Variants in DCC observed in about 807,000 individuals in gnomAD.
The protein encoded by DCC is netrin receptor DCC.
In DCC, 58 loss-of-function variants were observed where a neutral mutation model predicts 172.5. The observed-to-expected ratio is 0.34, with a 90% CI of 0.27 to 0.42. The LOEUF (loss-of-function observed/expected upper bound fraction) is 0.42. Among genes scored for constraint, DCC ranks in the 10% least tolerant of loss-of-function variants. The probability of loss-of-function intolerance (pLI) is 1.00; values close to 1 mark genes in which losing one functional copy is unlikely to be tolerated. For synonymous variants in DCC, 709 were observed against 644.5 expected, an observed-to-expected ratio of 1.10 and a Z score of -1.52; for missense variants, 1,740 against 1,791.0, an observed-to-expected ratio of 0.97 and a Z score of 0.51.
At chr18:52,926,613 T>A (rs545235802) in intron 5 of DCC, among the ~76,000 whole-genome samples, 2 of 151,796 alleles carry the variant, frequency 1.3e-5, no homozygotes, top group Admixed American at 6.6e-5. Flanking sequence ...AAGGCAGATT[T>A]GGTTATGGAA....
At chr18:52,695,122 C>T (rs1046852751) in intron 1 of DCC, among the ~76,000 whole-genome samples, 3 of 152,152 alleles carry the variant, frequency 2.0e-5, no homozygotes, top group Non-Finnish European at 4.4e-5. Flanking sequence ...GGTCTCTTTT[C>T]TTGCCTCTCA....
At chr18:52,784,682 T>A (rs550434483) in intron 2 of DCC, among the ~76,000 whole-genome samples, 8 of 152,134 alleles carry the variant, frequency 5.3e-5, no homozygotes, top group African/African-American at 1.9e-4. Context: ...GAAAATTTTT[T>A]AAATATGTTT....
intron 1 of DCC, among the ~76,000 whole-genome samples, chr18:52,484,472 G>A (rs1317852224): frequency 6.6e-6 from 1 of 152,074 alleles, no homozygotes; most frequent in Non-Finnish European, 1.5e-5. Flanking sequence ...ATCAGCTTCT[G>A]ATTTTGTATG....
chr18:52,848,607 C>T (rs2038931249), intron 2 of DCC, among the ~76,000 whole-genome samples: 2 of 151,982 alleles, frequency 1.3e-5, no homozygotes, highest in African/African-American at 4.8e-5. Flanking sequence ...TGGAGTTTCG[C>T]ATGTTTATTT....
intron 1 of DCC, among the ~76,000 whole-genome samples, chr18:52,361,839 T>A (rs1314081139): frequency 6.6e-6 from 1 of 152,228 alleles, no homozygotes; most frequent in East Asian, 1.9e-4. Flanking sequence ...AGCAATGGTG[T>A]GCAGGGAAGG....
chr18:52,568,208 CTTAG>C (rs527701898), intron 1 of DCC, among the ~76,000 whole-genome samples: 103 of 152,164 alleles, frequency 6.8e-4, no homozygotes, highest in African/African-American at 2.2e-3. Flanking sequence ...CCGTCCTATT[CTTAG>C]TTATTTTCCT....
intron 15 of DCC, among the ~76,000 whole-genome samples, chr18:53,342,434 C>T (rs972150716): frequency 2.3e-4 from 35 of 151,940 alleles, no homozygotes; most frequent in Admixed American, 7.2e-4. Flanking sequence ...ACTTTTAAAA[C>T]TCACTATCTA....
At chr18:53,441,915 TCTGTG>T (rs1020975521) in intron 22 of DCC, among the ~76,000 whole-genome samples, 13 of 152,222 alleles carry the variant, frequency 8.5e-5, no homozygotes, top group African/African-American at 3.1e-4. Context: ...GTCCTCTTTC[TCTGTG>T]TAGCCTCCTC....
At chr18:52,911,664 C>G (rs1038799853) in intron 3 of DCC, among the ~76,000 whole-genome samples, 3 of 151,710 alleles carry the variant, frequency 2.0e-5, no homozygotes, top group African/African-American at 7.2e-5. Context: ...AACATACACC[C>G]AAAAAACGGA....
At chr18:52,989,820 A>G (rs2041354535) in intron 5 of DCC, among the ~76,000 whole-genome samples, 1 of 152,264 alleles carries the variant, frequency 6.6e-6, no homozygotes, top group Non-Finnish European at 1.5e-5. Context: ...CTGGAGTAGC[A>G]GAAAGCAATT....
chr18:52,361,296 GTC>G (rs1376623865), intron 1 of DCC, among the ~76,000 whole-genome samples: 1 of 151,886 alleles, frequency 6.6e-6, no homozygotes, highest in African/African-American at 2.4e-5. Flanking sequence ...AGTCTTTTTT[GTC>G]TCTTTCTCTA....
intron 1 of DCC, among the ~76,000 whole-genome samples, chr18:52,523,382 T>C (rs2031880707): frequency 6.6e-6 from 1 of 152,164 alleles, no homozygotes; most frequent in Non-Finnish European, 1.5e-5. Flanking sequence ...GTAGATGACC[T>C]CTCAGTCCCT....
intron 5 of DCC, among the ~76,000 whole-genome samples, chr18:53,031,597 GA>G (rs1222733454): frequency 2.6e-5 from 4 of 151,408 alleles, no homozygotes; most frequent in South Asian, 2.1e-4. Flanking sequence ...AAATTTGAGT[GA>G]AAAAAAGGAA....
chr18:53,465,417 C>T (rs370909780), intron 24 of DCC, among the ~76,000 whole-genome samples: 1 of 152,022 alleles, frequency 6.6e-6, no homozygotes, highest in African/African-American at 2.4e-5. Context: ...ATACTTCTGG[C>T]CTTCATGATT....
rs140887238 is a variant in DCC at position 52,459,898 on chromosome 18, T to C, written c.91+119020T>C. Among the ~76,000 whole-genome samples the C allele has an allele frequency of 6.7e-3, 997 of 149,350 alleles. 10 individuals are homozygous for C. The highest frequency in any genetic ancestry group is 0.023 in the African/African-American group (931 of 40,972). ...CATAGTATTCATATATATATATATATACACACATATATATACACACATATA... is the reference window on the plus strand; with the variant it reads ...CATAGTATTCATATATATATATATACACACACATATATATACACACATATA... On this transcript the variant is annotated intron_variant, in intron 1 of 28. Coordinates refer to ENST00000442544, the MANE Select transcript of DCC (RefSeq NM_005215.4).
rs1361796060 is a variant in DCC, at chr18:52,764,916, C to T, written c.412+12542C>T. Among the ~76,000 whole-genome samples, 6 of 152,222 alleles carry T rather than the reference C, an allele frequency of 3.9e-5. No individual in the cohort carries two copies. The East Asian group carries it at 1.2e-3, about 29-fold the overall frequency. On this transcript the variant is annotated intron_variant, in intron 2 of 28. Transcript: ENST00000442544. ...CAGGCTCTGTATATAATGTCAGACC[C>T]CATAGAGTCACATCAGCATACCATA... is the stretch of plus-strand genomic sequence containing the variant.
intron 2 of DCC, among the ~76,000 whole-genome samples, chr18:52,818,956 T>A (rs1313473496): frequency 2.0e-5 from 3 of 152,210 alleles, no homozygotes; most frequent in African/African-American, 7.2e-5. Context: ...CTAAGGTGAT[T>A]CATGGAGAGA....
In DCC at chr18:52,385,629, T is replaced by C. The variant is rs556498663; in HGVS notation, c.91+44751T>C. On this transcript the variant is annotated intron_variant, in intron 1 of 28. Transcript: ENST00000442544. ...GAAGTGATTCTATATAACCAATTGA[T>C]AGTGGTAGTAGTGTTAGTAGTAGTA... 5.3e-4 allele frequency among the ~76,000 whole-genome samples: 80 copies of C among 151,284 alleles called. No individual in the cohort carries two copies. In the South Asian group the frequency reaches 7.0e-3, roughly 13 times the overall value.
In DCC at chr18:52,931,889, C is replaced by T. The variant is rs1045020195; in HGVS notation, c.985+6519C>T. On this transcript the variant is annotated intron_variant, in intron 5 of 28. Coordinates refer to ENST00000442544, the MANE Select transcript of DCC (RefSeq NM_005215.4). The stretch of plus-strand genomic sequence containing the variant: ...TCTGAAACCTGGCTTCAGTGGGCTT[C>T]GTATAATTACAATTCGTAAAATCAG... 14 of 151,946 alleles carry T rather than the reference C, an allele frequency of 9.2e-5. 1 individual carries two copies. Among genetic ancestry groups the T allele is most frequent in the South Asian group, 8.3e-4 (4 of 4,806 alleles). 9.4% of individuals were successfully genotyped at this position (151,946 alleles called of 1,614,324 possible).
Sources: gnomAD v4.1 joint callset for allele counts (sites outside exome capture counted in the v4.1 genomes callset) on GRCh38, gnomAD v4.1.1 for gene constraint, MANE v1.5 for transcripts, NCBI Gene and HGNC (gene_info 2026-07-23, HGNC 2026-07-21) for gene names.